Variants in SYNE1 observed in about 807,000 individuals in gnomAD.
SYNE1 encodes nesprin-1.
A neutral mutation model predicts 1,111.0 loss-of-function variants in SYNE1; 616 were observed. The observed-to-expected ratio is 0.55, with a 90% CI of 0.52 to 0.59. The LOEUF is 0.59. SYNE1 is among the 20% of genes least tolerant of loss of function. SYNE1 has a pLI of 0.00. For missense variants in SYNE1, 10,006 were observed against 10,417.0 expected (o/e 0.96, Z 1.72); for synonymous variants, 3,855 against 3,825.8 (o/e 1.01, Z -0.28).
intron 96 of SYNE1, among the ~76,000 whole-genome samples, chr6:152,282,954 T>C (rs1245283689): frequency 1.3e-5 from 2 of 152,084 alleles, no homozygotes; most frequent in African/African-American, 4.8e-5. Flanking sequence ...AGCAGCTAAA[T>C]AAAATAATAT....
chr6:152,598,346 T>A (rs942978506), intron 3 of SYNE1, among the ~76,000 whole-genome samples: 1 of 152,172 alleles, frequency 6.6e-6, no homozygotes, highest in Non-Finnish European at 1.5e-5. Context: ...ACCATTATTG[T>A]GAGGCCTCCC....
intron 11 of SYNE1, among the ~76,000 whole-genome samples, chr6:152,490,869 C>T (rs186493897): frequency 6.6e-6 from 1 of 152,284 alleles, no homozygotes; most frequent in East Asian, 1.9e-4. Flanking sequence ...GAACATCTTA[C>T]CAATTTCAAA....
chr6:152,242,665 G>A (rs931526104), intron 106 of SYNE1, among the ~76,000 whole-genome samples: 1 of 152,098 alleles, frequency 6.6e-6, no homozygotes, highest in African/African-American at 2.4e-5. Context: ...CTATTCTCAT[G>A]CCTATGATAT....
chr6:152,473,941 T>C (rs2098820993), intron 14 of SYNE1, among the ~76,000 whole-genome samples: 1 of 152,130 alleles, frequency 6.6e-6, no homozygotes, highest in South Asian at 2.1e-4. Flanking sequence ...ATCCCCGCAC[T>C]TTGGGTGGCG....
At chr6:152,476,786 T>C (rs2098837230) in intron 14 of SYNE1, among the ~76,000 whole-genome samples, 1 of 151,060 alleles carries the variant, frequency 6.6e-6, no homozygotes, top group Non-Finnish European at 1.5e-5. Context: ...GAAGGATCAC[T>C]GGATCCTGGG....
Position 152,419,560 on chromosome 6 carries a change from C to T in SYNE1, c.5421+9G>A. 6.4e-7 allele frequency: 1 copy of T among 1,563,130 alleles called. No individual in the cohort carries two copies. The highest frequency in any genetic ancestry group is 1.2e-5 in the South Asian group (1 of 84,482). ...TTCTTCAATCTTAAAAAAAAAAAAA[C>T]CACTTTACCTTATGCCGAGTAAGGG... On this transcript the variant is annotated intron_variant, in intron 40 of 145. Coordinates refer to ENST00000367255, the MANE Select transcript of SYNE1 (RefSeq NM_182961.4).
intron 95 of SYNE1, among the ~76,000 whole-genome samples, chr6:152,290,309 C>T (rs1330796944): frequency 6.6e-6 from 1 of 152,174 alleles, no homozygotes; most frequent in African/African-American, 2.4e-5. Context: ...GTAATCCCAG[C>T]ACTTTGGGAG....
chr6:152,490,346 C>A (rs902975781), intron 11 of SYNE1, among the ~76,000 whole-genome samples: 1 of 152,080 alleles, frequency 6.6e-6, no homozygotes, highest in East Asian at 1.9e-4. Context: ...CCTTGTCAGG[C>A]CTCTGAGCCC....
Position 152,368,957 on chromosome 6 carries a change from C to T in SYNE1, c.9807+15G>A, listed in dbSNP as rs371593819. On this transcript the variant is annotated intron_variant, in intron 61 of 145. Transcript: ENST00000367255. ...ATCAGTATCACACTCACACACAGCACGTGCCAGGCGTTACCTTTGTTAAAT... is the reference window on the plus strand; with the variant it reads ...ATCAGTATCACACTCACACACAGCATGTGCCAGGCGTTACCTTTGTTAAAT... The T allele has an allele frequency of 4.6e-5, 75 of 1,613,970 alleles. No homozygotes were observed. Among genetic ancestry groups the T allele is most frequent in the African/African-American group, 3.9e-4 (29 of 74,918 alleles).
intron 2 of SYNE1, among the ~76,000 whole-genome samples, chr6:152,631,361 A>G (rs189401183): frequency 4.9e-4 from 75 of 152,310 alleles, no homozygotes; most frequent in Middle Eastern, 3.4e-3. Context: ...GAGAAACTCT[A>G]CAAGGTGACA....
intron 96 of SYNE1, among the ~76,000 whole-genome samples, chr6:152,283,231 G>A (rs1274936384): frequency 1.3e-5 from 2 of 152,192 alleles, no homozygotes; most frequent in African/African-American, 4.8e-5. Context: ...TAAGTAACGT[G>A]GGAACCAGAA....
At chr6:152,406,086 T>C (rs1243426646) in intron 45 of SYNE1, among the ~76,000 whole-genome samples, 1 of 152,162 alleles carries the variant, frequency 6.6e-6, no homozygotes, top group Non-Finnish European at 1.5e-5. Context: ...GCCTGACATA[T>C]CTTAGGTGCT....
chr6:152,187,762 G>A (rs1256538114), intron 128 of SYNE1, among the ~76,000 whole-genome samples: 1 of 152,012 alleles, frequency 6.6e-6, no homozygotes, highest in Admixed American at 6.6e-5. Flanking sequence ...TTACGCTCTT[G>A]TTGCCCAGGC....
intron 3 of SYNE1, among the ~76,000 whole-genome samples, chr6:152,553,849 A>C (rs1004730537): frequency 1.2e-4 from 18 of 152,284 alleles, no homozygotes; most frequent in Middle Eastern, 3.4e-3. Context: ...AAAAACTTTA[A>C]GTGTGGAGAA....
At chr6:152,514,915 C>CA (rs2099103862) in intron 6 of SYNE1, among the ~76,000 whole-genome samples, 1 of 152,084 alleles carries the variant, frequency 6.6e-6, no homozygotes, top group South Asian at 2.1e-4. Flanking sequence ...ATGCACAGCT[C>CA]ACAGATGTTT....
chr6:152,248,043 T>A (rs565371752), intron 105 of SYNE1, among the ~76,000 whole-genome samples: 1 of 152,180 alleles, frequency 6.6e-6, no homozygotes, highest in Non-Finnish European at 1.5e-5. Flanking sequence ...ATTTCTTCTA[T>A]CTGCATTTTC....
intron 3 of SYNE1, among the ~76,000 whole-genome samples, chr6:152,613,935 A>ATGGAAAACTGGCTAGCCATAGT (rs1565198652): frequency 3.9e-5 from 6 of 152,132 alleles, no homozygotes; most frequent in Admixed American, 3.9e-4. Context: ...CTAGCCATAG[A>ATGGAAAACTGGCTAGCCATAGT]TAGAAAGCTG....
chr6:152,409,329 G>T, intron 43 of SYNE1, 103 bp from the exon 44 acceptor site: 2 of 1,223,688 alleles, frequency 1.6e-6, no homozygotes, highest in Non-Finnish European at 2.3e-6. Flanking sequence ...ACCTTATGCA[G>T]AAATTAGTGA....
intron 131 of SYNE1, among the ~76,000 whole-genome samples, chr6:152,159,138 G>T (rs1399852520): frequency 6.6e-6 from 1 of 152,152 alleles, no homozygotes; most frequent in African/African-American, 2.4e-5. Flanking sequence ...TTTTAGTAGG[G>T]ACAGAATCAT....
Sources: gnomAD v4.1 joint callset for allele counts (sites outside exome capture counted in the v4.1 genomes callset) on GRCh38, gnomAD v4.1.1 for gene constraint, MANE v1.5 for transcripts, NCBI Gene and HGNC (gene_info 2026-07-23, HGNC 2026-07-21) for gene names.